Variants in GBE1 observed in about 807,000 individuals in gnomAD.
The protein encoded by GBE1 is 1,4-alpha-glucan-branching enzyme.
GBE1 carries 70 observed loss-of-function variants against 88.8 expected under a neutral mutation model. The observed-to-expected ratio is 0.79, with a 90% CI of 0.65 to 0.96. GBE1 has a LOEUF of 0.96. Among genes scored for constraint, GBE1 ranks in the 40% least tolerant of loss-of-function variants. GBE1 has a pLI of 0.00. For missense variants in GBE1, 872 were observed against 871.0 expected (o/e 1.00, Z -0.01); for synonymous variants, 284 against 300.1 (o/e 0.95, Z 0.56).
intron 12 of GBE1, among the ~76,000 whole-genome samples, chr3:81,575,229 C>T (rs1576155391): frequency 6.7e-6 from 1 of 149,522 alleles, no homozygotes; most frequent in Non-Finnish European, 1.5e-5. Flanking sequence ...TTAGTTATTG[C>T]TGATCTCCCT....
rs62265430 is a variant in GBE1 at position 81,573,773 on chromosome 3, C to G, written c.1618+4152G>C. 6.9e-3 allele frequency among the ~76,000 whole-genome samples: 809 copies of G among 117,224 alleles called. 5 individuals carry two copies. Among genetic ancestry groups the G allele is most frequent in the Middle Eastern group, 0.028 (7 of 252 alleles). The allele number at this position is 117,224 out of a possible 152,430, so 76.9% of individuals were successfully genotyped here. On this transcript the variant is annotated intron_variant, in intron 12 of 15. Coordinates refer to ENST00000429644, the MANE Select transcript of GBE1 (RefSeq NM_000158.4). ...TTGCCTTCTCTCTCTCTCTCTCTCT[C>G]TCTGTGTGTGTGTGTGTGTGTGTGT...
In GBE1 at chr3:81,621,451, G is replaced by T. The variant is rs965047283; in HGVS notation, c.992+21330C>A. Among the ~76,000 whole-genome samples, 12 of 152,066 alleles carry T rather than the reference G, an allele frequency of 7.9e-5. No individual in the cohort carries two copies. In the East Asian group the frequency reaches 2.3e-3, roughly 29 times the overall value. On this transcript the variant is annotated intron_variant, in intron 7 of 15. Coordinates refer to ENST00000429644, the MANE Select transcript of GBE1 (RefSeq NM_000158.4). Reference sequence around the variant, plus strand: ...GATCCTAAGAGACTGCCCTCCTCCTGGCTTTCAAAGAGCCCTCGTTGTGAC... The same window carrying T: ...GATCCTAAGAGACTGCCCTCCTCCTTGCTTTCAAAGAGCCCTCGTTGTGAC...
chr3:81,498,585 A>G (rs1332490251), intron 15 of GBE1, among the ~76,000 whole-genome samples: 5 of 152,198 alleles, frequency 3.3e-5, no homozygotes, highest in Non-Finnish European at 7.4e-5. Context: ...ATAATGCTTC[A>G]TTCAGTAATA....
At chr3:81,745,313 T>C (rs1706406088) in intron 1 of GBE1, among the ~76,000 whole-genome samples, 1 of 152,162 alleles carries the variant, frequency 6.6e-6, no homozygotes. Context: ...TATACATGTA[T>C]TACTTATTTT....
intron 7 of GBE1, among the ~76,000 whole-genome samples, chr3:81,632,845 A>T (rs1176389526): frequency 6.6e-6 from 1 of 152,184 alleles, no homozygotes; most frequent in Non-Finnish European, 1.5e-5. Context: ...CAATGCCCAG[A>T]GGGACAATTA....
At chr3:81,754,706 C>T (rs1227847610) in intron 1 of GBE1, among the ~76,000 whole-genome samples, 1 of 151,926 alleles carries the variant, frequency 6.6e-6, no homozygotes, top group Non-Finnish European at 1.5e-5. Flanking sequence ...AACAAAGGTG[C>T]CAAGAACTTA....
intron 6 of GBE1, among the ~76,000 whole-genome samples, chr3:81,644,294 G>C (rs1440201780): frequency 1.3e-5 from 2 of 152,120 alleles, no homozygotes; most frequent in African/African-American, 4.8e-5. Context: ...CTGGTGGGGA[G>C]GGAAGGTTTG....
At position 81,537,079 on chromosome 3, in the gene GBE1, A is replaced by G. The variant is rs780741533; in HGVS notation, c.1635T>C (p.His545=). The change falls in exon 13 of 16, where the codon CAT becomes CAC. Residue 545 remains histidine, a synonymous_variant. Transcript: ENST00000429644. The stretch of plus-strand genomic sequence containing the variant: ...TTCTTGGGAAGTCTAACCATTCAGG[A>G]TGCCCAAATTCATTACCTGCATTAC... The part of the protein sequence containing the change: ...YLNFMGNEFG[H]PEWLDFPRKG... 52 of 1,540,794 alleles carry G rather than the reference A, an allele frequency of 3.4e-5. No individual in the cohort carries two copies. In the Middle Eastern group the frequency reaches 5.1e-4, roughly 15 times the overall value.
At chr3:81,744,763 A>G (rs548884743) in intron 1 of GBE1, among the ~76,000 whole-genome samples, 3 of 152,282 alleles carry the variant, frequency 2.0e-5, no homozygotes, top group African/African-American at 7.2e-5. Flanking sequence ...GTAAACTTTC[A>G]CTGTAACCAA....
intron 1 of GBE1, among the ~76,000 whole-genome samples, chr3:81,719,480 G>A (rs1440739806): frequency 6.6e-6 from 1 of 151,970 alleles, no homozygotes; most frequent in East Asian, 1.9e-4. Flanking sequence ...GCCTCCCAAA[G>A]TGCTGGGATT....
intron 12 of GBE1, among the ~76,000 whole-genome samples, chr3:81,550,762 C>T (rs1028826932): frequency 6.6e-6 from 1 of 152,090 alleles, no homozygotes; most frequent in African/African-American, 2.4e-5. Context: ...GCCATGGCAA[C>T]GTCAGGAAGT....
At chr3:81,638,237 C>T (rs12493601) in intron 7 of GBE1, among the ~76,000 whole-genome samples, 2,207 of 152,142 alleles carry the variant, frequency 0.015, 41 homozygotes, top group Middle Eastern at 0.041. Context: ...CTAATGGTTA[C>T]CATATTATGA....
At chr3:81,729,568 A>G (rs1706158527) in intron 1 of GBE1, among the ~76,000 whole-genome samples, 1 of 152,228 alleles carries the variant, frequency 6.6e-6, no homozygotes, top group Non-Finnish European at 1.5e-5. Flanking sequence ...AAAGTAACTT[A>G]GAAATCAGTG....
chr3:81,577,902 A>G (rs754015669), intron 12 of GBE1, 23 bp downstream of exon 12: 4 of 1,552,916 alleles, frequency 2.6e-6, no homozygotes, highest in Non-Finnish European at 2.6e-6. Context: ...CACAAATTGC[A>G]TATGTGTTTA....
In GBE1 at chr3:81,721,224, T is replaced by TAA. The variant is rs1706027375; in HGVS notation, c.144-15613_144-15612dup. Among the ~76,000 whole-genome samples, 18 of 77,950 alleles carry TAA rather than the reference T, an allele frequency of 2.3e-4. No homozygotes were observed. In the East Asian group the frequency reaches 7.4e-3, roughly 32 times the overall value. The allele number at this position is 77,950 out of a possible 152,430, so 51.1% of individuals were successfully genotyped here. On this transcript the variant is annotated intron_variant, in intron 1 of 15. Transcript: ENST00000429644. ...AATAAAAAATAAATAAATAAATAAA[T>TAA]AAATAAATAAAAACACATGAAAAAA...
At chr3:81,552,868 A>T (rs1262098402) in intron 12 of GBE1, among the ~76,000 whole-genome samples, 3 of 152,214 alleles carry the variant, frequency 2.0e-5, no homozygotes, top group Non-Finnish European at 4.4e-5. Context: ...TACAATTATT[A>T]ACAGTTACTT....
At chr3:81,755,460 C>G (rs1706589468) in intron 1 of GBE1, among the ~76,000 whole-genome samples, 1 of 152,108 alleles carries the variant, frequency 6.6e-6, no homozygotes, top group Non-Finnish European at 1.5e-5. Flanking sequence ...TCCACCAATG[C>G]TACTACTGGG....
chr3:81,523,016 C>A (rs931712498), intron 14 of GBE1, among the ~76,000 whole-genome samples: 1 of 151,306 alleles, frequency 6.6e-6, no homozygotes, highest in African/African-American at 2.4e-5. Flanking sequence ...AAGCAGATAA[C>A]TAAATTTCAG....
At chr3:81,607,877 T>G (rs1704124769) in intron 7 of GBE1, among the ~76,000 whole-genome samples, 1 of 152,208 alleles carries the variant, frequency 6.6e-6, no homozygotes, top group Admixed American at 6.5e-5. Flanking sequence ...TTTTATCATT[T>G]ATTACTTTTT....
Sources: gnomAD v4.1 joint callset for allele counts (sites outside exome capture counted in the v4.1 genomes callset) on GRCh38, gnomAD v4.1.1 for gene constraint, MANE v1.5 for transcripts, NCBI Gene and HGNC (gene_info 2026-07-23, HGNC 2026-07-21) for gene names.